CSMD1: variants seen among roughly 807,000 people sequenced by gnomAD.
The protein encoded by CSMD1 is CUB and Sushi multiple domains 1.
CSMD1 carries 213 observed loss-of-function variants against 417.5 expected under a neutral mutation model. That is an observed-to-expected ratio of 0.51 (90% confidence interval 0.46 to 0.57). The LOEUF (loss-of-function observed/expected upper bound fraction) is 0.57. Among genes scored for constraint, CSMD1 ranks in the 20% least tolerant of loss-of-function variants. The probability of loss-of-function intolerance (pLI) is 0.00; values close to 1 mark genes in which losing one functional copy is unlikely to be tolerated. For synonymous variants in CSMD1, 2,862 were observed against 1,736.8 expected (o/e 1.65, Z -16.11); for missense variants, 6,923 against 4,529.7 (o/e 1.53, Z -15.17).
At chr8:3,618,775 A>G (rs765812274) in intron 7 of CSMD1, among the ~76,000 whole-genome samples, 5 of 152,204 alleles carry the variant, frequency 3.3e-5, no homozygotes, top group Non-Finnish European at 7.3e-5. Flanking sequence ...AAATAGGACT[A>G]TATTTCATGA....
At chr8:4,882,178 C>T (rs1002907845) in intron 1 of CSMD1, among the ~76,000 whole-genome samples, 2 of 151,956 alleles carry the variant, frequency 1.3e-5, no homozygotes, top group Admixed American at 1.3e-4. Context: ...GTCTCCTTGG[C>T]ACTAGACGGT....
intron 7 of CSMD1, among the ~76,000 whole-genome samples, chr8:3,694,010 TG>T (rs1800402761): frequency 1.4e-5 from 2 of 145,184 alleles, no homozygotes; most frequent in Admixed American, 7.1e-5. Flanking sequence ...TTGTGTGTGT[TG>T]GGGTATTATG....
intron 1 of CSMD1, among the ~76,000 whole-genome samples, chr8:4,662,628 C>T (rs1804672980): frequency 6.6e-6 from 1 of 152,178 alleles, no homozygotes; most frequent in Non-Finnish European, 1.5e-5. Context: ...ACATCATGTT[C>T]TTCAGAAATA....
intron 6 of CSMD1, among the ~76,000 whole-genome samples, chr8:3,710,448 G>A (rs560125508): frequency 6.6e-6 from 1 of 152,238 alleles, no homozygotes; most frequent in East Asian, 1.9e-4. Flanking sequence ...CCTGAGCCCA[G>A]CCAACTCAGT....
intron 7 of CSMD1, among the ~76,000 whole-genome samples, chr8:3,653,046 C>G (rs1238795125): frequency 6.6e-6 from 1 of 152,142 alleles, no homozygotes; most frequent in Non-Finnish European, 1.5e-5. Flanking sequence ...CAAATGTTTT[C>G]TATCAGAAAA....
chr8:4,651,296 T>C (rs1377440224), intron 1 of CSMD1, among the ~76,000 whole-genome samples: 2 of 151,992 alleles, frequency 1.3e-5, no homozygotes, highest in Non-Finnish European at 2.9e-5. Context: ...ATGTTAAAGA[T>C]TTGGTATTTC....
At chr8:4,568,939 A>G (rs1157137665) in intron 2 of CSMD1, among the ~76,000 whole-genome samples, 1 of 152,110 alleles carries the variant, frequency 6.6e-6, no homozygotes, top group Non-Finnish European at 1.5e-5. Context: ...GTGTCTGTTC[A>G]TATCCTTCAC....
At chr8:3,942,913 G>C (rs1251309576) in intron 5 of CSMD1, among the ~76,000 whole-genome samples, 1 of 151,754 alleles carries the variant, frequency 6.6e-6, no homozygotes, top group Non-Finnish European at 1.5e-5. Flanking sequence ...ACTTTTTTTT[G>C]TCTTTTAATT....
intron 3 of CSMD1, among the ~76,000 whole-genome samples, chr8:4,379,491 T>C (rs1169884522): frequency 3.3e-5 from 5 of 152,244 alleles, no homozygotes; most frequent in African/African-American, 9.6e-5. Context: ...AATTGCATTC[T>C]GGTTAATGTT....
At chr8:3,655,054 G>A (rs78519084) in intron 7 of CSMD1, among the ~76,000 whole-genome samples, 1,662 of 152,204 alleles carry the variant, frequency 0.011, 4 homozygotes, top group Non-Finnish European at 0.017. Flanking sequence ...GTTAAAGAGG[G>A]AAATAATTTA....
At chr8:4,628,353 C>T (rs115622993) in intron 2 of CSMD1, among the ~76,000 whole-genome samples, 2,536 of 149,562 alleles carry the variant, frequency 0.017, 70 homozygotes, top group African/African-American at 0.059. Context: ...TATATATATA[C>T]TTCTATGTAT....
At chr8:4,145,898 C>A (rs1034009983) in intron 3 of CSMD1, among the ~76,000 whole-genome samples, 2 of 151,036 alleles carry the variant, frequency 1.3e-5, no homozygotes, top group Non-Finnish European at 2.9e-5. Flanking sequence ...TTGCTCAATG[C>A]TCATCCCTTG....
intron 3 of CSMD1, among the ~76,000 whole-genome samples, chr8:4,359,624 T>G (rs546153722): frequency 6.6e-6 from 1 of 152,210 alleles, no homozygotes; most frequent in African/African-American, 2.4e-5. Context: ...TCAATGAACC[T>G]GTGTTTGAGT....
chr8:3,569,186 T>C (rs1799842310), intron 10 of CSMD1, among the ~76,000 whole-genome samples: 1 of 152,208 alleles, frequency 6.6e-6, no homozygotes, highest in South Asian at 2.1e-4. Flanking sequence ...TTTTATAACT[T>C]CCTGAATAGA....
intron 2 of CSMD1, among the ~76,000 whole-genome samples, chr8:4,511,696 G>T (rs181103078): frequency 2.0e-5 from 3 of 152,140 alleles, no homozygotes; most frequent in African/African-American, 7.2e-5. Flanking sequence ...AGGCAGAGCC[G>T]TAACTGATGA....
intron 5 of CSMD1, among the ~76,000 whole-genome samples, chr8:3,896,857 T>A (rs992962921): frequency 1.3e-5 from 2 of 151,902 alleles, no homozygotes; most frequent in East Asian, 1.9e-4. Flanking sequence ...AGGAAAAAAA[T>A]TTTAAAAAGC....
intron 3 of CSMD1, among the ~76,000 whole-genome samples, chr8:4,048,438 T>C (rs118091260): frequency 6.6e-6 from 1 of 152,220 alleles, no homozygotes; most frequent in Non-Finnish European, 1.5e-5. Flanking sequence ...TGAACTCTCC[T>C]ATTTTCCCAA....
rs1010316226 is a variant in CSMD1 at position 3,297,756 on chromosome 8, C to T, written c.3950+9939G>A. 5.9e-5 allele frequency among the ~76,000 whole-genome samples: 9 copies of T among 152,096 alleles called. No individual in the cohort carries two copies. In the East Asian group the frequency reaches 1.7e-3, roughly 29 times the overall value. On this transcript the variant is annotated intron_variant, in intron 25 of 69. Transcript: ENST00000635120. ...CTTTGGGGAGGGAGGAGCTAGCAAT[C>T]TGGACACAAAATCACTAAAGCCAAC... is the stretch of plus-strand genomic sequence containing the variant.
At chr8:3,307,250 C>T (rs1401890529) in intron 25 of CSMD1, among the ~76,000 whole-genome samples, 1 of 152,098 alleles carries the variant, frequency 6.6e-6, no homozygotes, top group Non-Finnish European at 1.5e-5. Flanking sequence ...AACCCTCCCA[C>T]CGTGACTAGC....
Sources: gnomAD v4.1 joint callset for allele counts (sites outside exome capture counted in the v4.1 genomes callset) on GRCh38, gnomAD v4.1.1 for gene constraint, MANE v1.5 for transcripts, NCBI Gene and HGNC (gene_info 2026-07-23, HGNC 2026-07-21) for gene names.